Variants in NUP210L observed in about 807,000 individuals in gnomAD.
NUP210L encodes the protein nuclear pore membrane glycoprotein 210-like.
Under a neutral mutation model 208.5 loss-of-function variants are expected in NUP210L, and 74 were observed. The ratio of observed to expected loss-of-function variants is 0.35; its 90% CI spans 0.29 to 0.43. The LOEUF is 0.43. Among genes scored for constraint, NUP210L ranks in the 20% least tolerant of loss-of-function variants. The pLI, the probability that NUP210L is intolerant of heterozygous loss-of-function variation, is 1.00. For synonymous variants in NUP210L, 780 were observed against 816.9 expected (o/e 0.95, Z 0.77); for missense variants, 1,843 against 2,289.4 (o/e 0.81, Z 3.98).
chr1:153,996,010 C>G (rs1330954572), intron 37 of NUP210L: 6 of 375,608 alleles, frequency 1.6e-5, no homozygotes, highest in Non-Finnish European at 2.6e-5. Flanking sequence ...AAAAAAAATG[C>G]GGCCTGGCGT....
intron 2 of NUP210L, among the ~76,000 whole-genome samples, chr1:154,145,732 A>C (rs1659082760): frequency 6.6e-6 from 1 of 152,220 alleles, no homozygotes; most frequent in Non-Finnish European, 1.5e-5. Flanking sequence ...TTAGAATTGA[A>C]GATATCAGTA....
intron 25 of NUP210L, among the ~76,000 whole-genome samples, chr1:154,053,849 G>A (rs1653661894): frequency 6.6e-6 from 1 of 152,186 alleles, no homozygotes; most frequent in Non-Finnish European, 1.5e-5. Context: ...ATTTCTGTGT[G>A]TGGGTCTTTA....
chr1:154,104,729 G>C (rs1402978925), intron 12 of NUP210L: 1 of 152,384 alleles, frequency 6.6e-6, no homozygotes, highest in Non-Finnish European at 1.5e-5. Flanking sequence ...CTGAGTTCCA[G>C]CTAACCCCGA....
intron 22 of NUP210L, among the ~76,000 whole-genome samples, chr1:154,057,801 C>G (rs1164438097): frequency 6.6e-6 from 1 of 151,232 alleles, no homozygotes; most frequent in Admixed American, 6.6e-5. Context: ...TTCACAGGCA[C>G]AATTATATTA....
chr1:154,017,126 C>T (rs1260687026), intron 33 of NUP210L, among the ~76,000 whole-genome samples: 1 of 151,832 alleles, frequency 6.6e-6, no homozygotes, highest in Admixed American at 6.6e-5. Flanking sequence ...ACTAAAAATA[C>T]AAAAATTAGC....
chr1:154,089,005 G>T (rs1357471020), intron 16 of NUP210L, among the ~76,000 whole-genome samples: 4 of 152,102 alleles, frequency 2.6e-5, no homozygotes, highest in African/African-American at 9.7e-5. Context: ...GTTAATAAAA[G>T]ATTTGGTAGC....
At chr1:154,120,004 C>G (rs1657531623) in intron 10 of NUP210L, among the ~76,000 whole-genome samples, 1 of 152,144 alleles carries the variant, frequency 6.6e-6, no homozygotes, top group African/African-American at 2.4e-5. Context: ...GTTTACAGTC[C>G]CACCAACAGT....
At chr1:153,997,728 T>C (rs1649979540) in intron 37 of NUP210L, among the ~76,000 whole-genome samples, 1 of 148,158 alleles carries the variant, frequency 6.7e-6, no homozygotes. Flanking sequence ...AGTCTTGCTC[T>C]GTCCTAGGCT....
intron 38 of NUP210L, among the ~76,000 whole-genome samples, chr1:153,994,236 C>T (rs1178252056): frequency 6.6e-6 from 1 of 152,156 alleles, no homozygotes; most frequent in African/African-American, 2.4e-5. Flanking sequence ...AGCTGTTATA[C>T]CTCAAGATTT....
intron 7 of NUP210L, among the ~76,000 whole-genome samples, 198 bp from the exon 8 acceptor site, chr1:154,129,543 G>A (rs1658143196): frequency 6.6e-6 from 1 of 152,194 alleles, no homozygotes; most frequent in South Asian, 2.1e-4. Context: ...CATCTTATGA[G>A]TCAGATATTC....
chr1:154,154,558 C>A (rs1208668735), intron 1 of NUP210L, among the ~76,000 whole-genome samples: 1 of 152,176 alleles, frequency 6.6e-6, no homozygotes, highest in Non-Finnish European at 1.5e-5. Context: ...GTGACCACCC[C>A]TTCCCAACAC....
rs746630423 is a variant in NUP210L at position 154,017,798 on chromosome 1, G to C, written c.4653+1135C>G. ...CCCAAGGTGCTGGGATTAGAGGCGT[G>C]AGCCACGGCACTAAGCCTGGTTGTT... On this transcript the variant is annotated intron_variant, in intron 33 of 39. Coordinates refer to ENST00000368559, the Ensembl canonical transcript of NUP210L. 5.0e-4 allele frequency among the ~76,000 whole-genome samples: 76 copies of C among 152,110 alleles called. 1 individual carries two copies. Among genetic ancestry groups the C allele is most frequent in the Middle Eastern group, 3.4e-3 (1 of 294 alleles).
intron 16 of NUP210L, among the ~76,000 whole-genome samples, chr1:154,076,775 G>A (rs1489563463): frequency 6.6e-6 from 1 of 151,978 alleles, no homozygotes; most frequent in Non-Finnish European, 1.5e-5. Context: ...TAGAAGGAGA[G>A]GAGATAGAAG....
rs370823760 is a variant in NUP210L, at chr1:154,140,121, C to T, written c.567-169G>A. 9.6e-4 allele frequency among the ~76,000 whole-genome samples: 146 copies of T among 152,024 alleles called. No homozygotes were observed. In the Middle Eastern group the frequency reaches 0.01, roughly 11 times the overall value. ...ATCCTAGCACTTTGGGAGGCCAAGGCGGGCACATCACTTGAGGTCAGGAAT... is the reference window on the plus strand; with the variant it reads ...ATCCTAGCACTTTGGGAGGCCAAGGTGGGCACATCACTTGAGGTCAGGAAT... On this transcript the variant is annotated intron_variant, in intron 4 of 39. Coordinates refer to ENST00000368559, the Ensembl canonical transcript of NUP210L.
chr1:154,055,131 CTTTCTTTCTTTCTT>C (rs1317944851), intron 23 of NUP210L, among the ~76,000 whole-genome samples: 5 of 55,576 alleles, frequency 9.0e-5, no homozygotes, highest in Admixed American at 2.6e-4. Context: ...TCTTTTCTTT[CTTTCTTTCTTTCTT>C]TCTTTCTTTC....
intron 27 of NUP210L, among the ~76,000 whole-genome samples, chr1:154,030,499 T>C (rs1302017352): frequency 2.0e-5 from 3 of 152,056 alleles, no homozygotes; most frequent in East Asian, 1.9e-4. Context: ...GGTTTCGCCA[T>C]GTTGCTCAGG....
intron 12 of NUP210L, among the ~76,000 whole-genome samples, chr1:154,106,056 T>C (rs747874196): frequency 6.6e-6 from 1 of 152,050 alleles, no homozygotes; most frequent in Non-Finnish European, 1.5e-5. Context: ...AGGTCAGGTG[T>C]TCGAGACCAG....
intron 16 of NUP210L, among the ~76,000 whole-genome samples, chr1:154,082,774 C>T (rs1351447297): frequency 2.0e-5 from 3 of 152,166 alleles, no homozygotes; most frequent in African/African-American, 2.4e-5. Flanking sequence ...TTCCTGGTCT[C>T]GCTGACTTCA....
At position 154,061,582 on chromosome 1, in the gene NUP210L, T is replaced by C. The variant is rs1571226148; in HGVS notation, c.2643+4A>G. On this transcript the variant is annotated splice_donor_region_variant and intron_variant, in intron 18 of 39. Transcript: ENST00000368559. ...ATATTTCTTACATTATAATCTCCAC[T>C]CACTTTTGGGCTTTTCTTCTCTGAA... 2.7e-6 allele frequency: 4 copies of C among 1,502,506 alleles called. No individual in the cohort carries two copies. In the East Asian group the frequency reaches 9.1e-5, roughly 34 times the overall value. 93.1% of individuals were successfully genotyped at this position (1,502,506 alleles called of 1,614,324 possible). A position where few individuals can be genotyped will look rare whatever the true frequency, so the allele number is the denominator to read the frequency against.
Sources: gnomAD v4.1 joint callset for allele counts (sites outside exome capture counted in the v4.1 genomes callset) on GRCh38, gnomAD v4.1.1 for gene constraint, MANE v1.5 for transcripts, NCBI Gene and HGNC (gene_info 2026-07-23, HGNC 2026-07-21) for gene names.